Variants in DMD observed in about 807,000 individuals in gnomAD.
DMD encodes the protein dystrophin.
In DMD, 63 loss-of-function variants were observed where a neutral mutation model predicts 330.1. The ratio of observed to expected loss-of-function variants is 0.19; its 90% CI spans 0.16 to 0.24. The LOEUF is 0.24. Ranked by LOEUF, DMD falls within the 10% of genes least tolerant of loss-of-function variation. The pLI is 1.00. For missense variants in DMD, 3,344 were observed against 2,684.1 expected, an observed-to-expected ratio of 1.25 and a Z score of -5.43; for synonymous variants, 1,223 against 959.8, an observed-to-expected ratio of 1.27 and a Z score of -5.07.
chrX:31,266,989 G>A (rs1464755493), intron 62 of DMD: 3 of 857,833 alleles, frequency 3.5e-6, no homozygotes, highest in South Asian at 2.8e-5. Flanking sequence ...GGGAGGGGGC[G>A]CTGCGGGCAG....
intron 1 of DMD, among the ~76,000 whole-genome samples, chrX:33,152,636 A>T (rs190020424): frequency 5.4e-4 from 60 of 110,791 alleles, no homozygotes; most frequent in African/African-American, 1.9e-3. Context: ...GGAATATACT[A>T]GTTACTTAGT....
chrX:32,128,988 C>G (rs1454451554), intron 44 of DMD, among the ~76,000 whole-genome samples: 1 of 111,310 alleles, frequency 9.0e-6, no homozygotes, highest in Non-Finnish European at 1.9e-5. Context: ...GACAATTAAT[C>G]ATATCTAAGG....
intron 50 of DMD, among the ~76,000 whole-genome samples, chrX:31,787,754 T>C (rs757473453): frequency 3.6e-4 from 40 of 112,191 alleles, no homozygotes; most frequent in African/African-American, 1.2e-3. Flanking sequence ...ATTGCAGGTA[T>C]GGAAAACACA....
At chrX:33,040,450 T>G (rs1446350539) in intron 1 of DMD, among the ~76,000 whole-genome samples, 1 of 110,578 alleles carries the variant, frequency 9.0e-6, no homozygotes, top group Non-Finnish European at 1.9e-5. Context: ...AAAAACAGAA[T>G]GATCTGTTAC....
intron 2 of DMD, among the ~76,000 whole-genome samples, chrX:32,889,026 A>C (rs1462312148): frequency 9.1e-6 from 1 of 110,352 alleles, no homozygotes; most frequent in Non-Finnish European, 1.9e-5. Flanking sequence ...TAGAAACAAG[A>C]GTGTGTTCCT....
intron 29 of DMD, among the ~76,000 whole-genome samples, chrX:32,433,312 G>A (rs2098246004): frequency 9.0e-6 from 1 of 111,656 alleles, no homozygotes. Flanking sequence ...TAAAGAGATG[G>A]GTCTAAATGC....
Position 31,348,645 on chromosome X carries a change from A to C in DMD, c.9085-11T>G. 1 of 1,191,371 alleles carries C rather than the reference A, an allele frequency of 8.4e-7. No homozygotes were observed. Among genetic ancestry groups the C allele is most frequent in the Non-Finnish European group, 1.1e-6 (1 of 878,337 alleles). ...GTCCTCGACGGCCACCTGGGAGGAA[A>C]AGGAGAGAAATGATGTTCTCTCATT... On this transcript the variant is annotated splice_polypyrimidine_tract_variant and intron_variant, in intron 60 of 78. Coordinates refer to ENST00000357033, the MANE Select transcript of DMD (RefSeq NM_004006.3).
intron 50 of DMD, among the ~76,000 whole-genome samples, chrX:31,801,813 T>G (rs1026586011): frequency 9.0e-6 from 1 of 111,178 alleles, no homozygotes; most frequent in Non-Finnish European, 1.9e-5. Context: ...TGAATTCAAA[T>G]TGTCCCACAA....
rs753011611 is a variant in DMD at position 32,575,661 on chromosome X, C to T, written c.1603-1815G>A. ...TCAGTGCATGTCAGGTAAAATGGCA[C>T]GTAACAAAATGGTTAATAGATTAGT... is the stretch of plus-strand genomic sequence containing the variant. On this transcript the variant is annotated intron_variant, in intron 13 of 78. Transcript: ENST00000357033. Among the ~76,000 whole-genome samples the T allele has an allele frequency of 1.3e-4, 15 of 111,722 alleles. No individual in the cohort carries two copies. The South Asian group carries it at 1.9e-3, about 14-fold the overall frequency.
chrX:31,151,541 T>G (rs780390984), intron 74 of DMD, among the ~76,000 whole-genome samples: 9 of 112,303 alleles, frequency 8.0e-5, no homozygotes, highest in Admixed American at 2.8e-4. Flanking sequence ...GGGCTCTTCT[T>G]TTATGATTTA....
intron 2 of DMD, among the ~76,000 whole-genome samples, chrX:32,874,725 T>C (rs973051391): frequency 2.7e-5 from 3 of 111,895 alleles, no homozygotes; most frequent in African/African-American, 9.7e-5. Context: ...CAAGATTAGA[T>C]CATTATTAGT....
intron 59 of DMD, among the ~76,000 whole-genome samples, chrX:31,458,885 C>CA (rs200710072): frequency 1.0e-3 from 110 of 106,230 alleles, no homozygotes; most frequent in African/African-American, 2.6e-3. Flanking sequence ...AACCTTTATA[C>CA]AAAAAAAAAA....
chrX:32,746,197 C>A lies in DMD; in HGVS notation c.650-46904G>T, dbSNP rs1321189964. ...ATGTTTAGACAGATTTGCAAATAGC[C>A]CCAGAGAATTCCATTCCTAACCTGG... On this transcript the variant is annotated intron_variant, in intron 7 of 78. Transcript: ENST00000357033. 8.1e-5 allele frequency among the ~76,000 whole-genome samples: 9 copies of A among 111,780 alleles called. 1 individual carries two copies. The highest frequency in any genetic ancestry group is 2.9e-4 in the African/African-American group (9 of 30,782).
At chrX:33,183,915 G>T (rs2050122023) in intron 1 of DMD, among the ~76,000 whole-genome samples, 1 of 111,283 alleles carries the variant, frequency 9.0e-6, no homozygotes, top group Non-Finnish European at 1.9e-5. Context: ...CATGGCCATT[G>T]CTACCACTGT....
intron 27 of DMD, among the ~76,000 whole-genome samples, chrX:32,447,886 C>A (rs187279034): frequency 9.6e-4 from 106 of 110,982 alleles, no homozygotes; most frequent in African/African-American, 3.0e-3. Context: ...TAAGGCCCAT[C>A]CATAAAAGTT....
At chrX:31,474,371 G>A (rs2067564163) in intron 59 of DMD, among the ~76,000 whole-genome samples, 1 of 110,612 alleles carries the variant, frequency 9.0e-6, no homozygotes, top group African/African-American at 3.3e-5. Context: ...CTATGATAGA[G>A]TGTCTAGGGG....
At chrX:31,919,995 C>G (rs1457709217) in intron 47 of DMD, among the ~76,000 whole-genome samples, 1 of 112,167 alleles carries the variant, frequency 8.9e-6, no homozygotes, top group Non-Finnish European at 1.9e-5. Context: ...ATCCAACAAT[C>G]CATTTTCTAC....
At chrX:32,181,803 C>T (rs1345595002) in intron 44 of DMD, among the ~76,000 whole-genome samples, 1 of 111,325 alleles carries the variant, frequency 9.0e-6, no homozygotes, top group Non-Finnish European at 1.9e-5. Flanking sequence ...TATTTCCAGA[C>T]CAATTTCAAA....
At chrX:33,079,916 C>T (rs1036228235) in intron 1 of DMD, among the ~76,000 whole-genome samples, 1 of 111,967 alleles carries the variant, frequency 8.9e-6, no homozygotes, top group African/African-American at 3.2e-5. Context: ...TTTCCCCTGC[C>T]ATTTACCCAA....
Sources: allele counts gnomAD v4.1 joint callset (sites outside exome capture counted in the v4.1 genomes callset), GRCh38; gene constraint gnomAD v4.1.1; transcripts MANE v1.5; gene names NCBI Gene and HGNC (gene_info 2026-07-23, HGNC 2026-07-21).